The following UGP2 variants were observed in gnomAD, a reference collection of about 807,000 sequenced individuals.
The protein encoded by UGP2 is UDP-glucose pyrophosphorylase 2.
Under a neutral mutation model 49.0 loss-of-function variants are expected in UGP2, and 40 were observed. That is an observed-to-expected ratio of 0.82 (90% CI 0.63 to 1.06). UGP2 has a LOEUF of 1.06. Ranked by LOEUF, UGP2 falls within the 50% of genes least tolerant of loss-of-function variation. UGP2 has a pLI of 0.00. For synonymous variants in UGP2, 225 were observed against 213.0 expected (o/e 1.06, Z -0.49); for missense variants, 460 against 603.5 (o/e 0.76, Z 2.49).
At chr2:63,860,288 G>T (rs1001457747) in intron 3 of UGP2, among the ~76,000 whole-genome samples, 1 of 152,162 alleles carries the variant, frequency 6.6e-6, no homozygotes, top group African/African-American at 2.4e-5. Context: ...TTGTGTATGA[G>T]TTGACAATTA....
At chr2:63,861,870 T>C (rs1452779938) in intron 3 of UGP2, among the ~76,000 whole-genome samples, 1 of 152,014 alleles carries the variant, frequency 6.6e-6, no homozygotes, top group Non-Finnish European at 1.5e-5. Context: ...TTTTGTTCCA[T>C]AAAATTGCTG....
At chr2:63,843,986 C>T (rs577409191) in intron 1 of UGP2, among the ~76,000 whole-genome samples, 2 of 152,280 alleles carry the variant, frequency 1.3e-5, no homozygotes, top group Non-Finnish European at 2.9e-5. Context: ...GCCTCAAGCC[C>T]CTGGGCTCAA....
intron 3 of UGP2, among the ~76,000 whole-genome samples, chr2:63,872,938 TG>T (rs1670657779): frequency 6.6e-6 from 1 of 152,216 alleles, no homozygotes; most frequent in South Asian, 2.1e-4. Context: ...CTTCTGGTCC[TG>T]CTGCAGAGGA....
At chr2:63,881,050 A>G (rs990684451) in intron 3 of UGP2, among the ~76,000 whole-genome samples, 1 of 152,198 alleles carries the variant, frequency 6.6e-6, no homozygotes, top group Non-Finnish European at 1.5e-5. Flanking sequence ...TGGAGCAATA[A>G]CAAGTAGAGA....
At chr2:63,858,702 T>C (rs1450160198) in intron 3 of UGP2, among the ~76,000 whole-genome samples, 1 of 152,106 alleles carries the variant, frequency 6.6e-6, no homozygotes, top group East Asian at 1.9e-4. Flanking sequence ...TGAATTGTGA[T>C]TTATTTTTCT....
intron 3 of UGP2, among the ~76,000 whole-genome samples, chr2:63,864,440 C>T (rs780988664): frequency 6.6e-5 from 10 of 152,206 alleles, no homozygotes; most frequent in African/African-American, 9.6e-5. Flanking sequence ...ACAATAGCAA[C>T]AAACATTTAT....
intron 1 of UGP2, among the ~76,000 whole-genome samples, chr2:63,848,439 C>G (rs1328649927): frequency 6.6e-6 from 1 of 152,178 alleles, no homozygotes; most frequent in Non-Finnish European, 1.5e-5. Context: ...TCTTGGCTCA[C>G]CACAACCTCC....
At chr2:63,857,216 G>C (rs1269435064) in intron 2 of UGP2, among the ~76,000 whole-genome samples, 1 of 151,060 alleles carries the variant, frequency 6.6e-6, no homozygotes, top group Non-Finnish European at 1.5e-5. Flanking sequence ...TGGGAGGGTA[G>C]TTTAAGCCTG....
Position 63,856,389 on chromosome 2 carries a change from G to T in UGP2, c.103G>T (p.Glu35Ter). The T allele has an allele frequency of 6.2e-7, 1 of 1,613,398 alleles. No individual in the cohort carries two copies. Among genetic ancestry groups the T allele is most frequent in the Non-Finnish European group, 8.5e-7 (1 of 1,179,960 alleles). The change falls in exon 2 of 10, where the codon GAA becomes TAA. Residue 35 changes from glutamate (E) to a stop codon, truncating the protein, a stop_gained. Transcript: ENST00000337130. LOFTEE classifies it high-confidence loss of function. Reference protein sequence around the residue: ...RQELELSVKKELEKILTTASS... With the variant: ...RQELELSVKK ...AGAGCTAGAATTATCTGTGAAGAAGGAACTAGAAAAAATACTCACCACAGC... is the reference window on the plus strand; with the variant it reads ...AGAGCTAGAATTATCTGTGAAGAAGTAACTAGAAAAAATACTCACCACAGC...
intron 3 of UGP2, among the ~76,000 whole-genome samples, chr2:63,872,889 C>A (rs1485927372): frequency 6.6e-6 from 1 of 151,916 alleles, no homozygotes; most frequent in African/African-American, 2.4e-5. Context: ...GGTGTTGGTG[C>A]TCTGTATGCC....
intron 1 of UGP2, among the ~76,000 whole-genome samples, chr2:63,851,944 CATT>C (rs1263326814): frequency 2.0e-5 from 3 of 152,138 alleles, no homozygotes; most frequent in East Asian, 1.9e-4. Flanking sequence ...GACACATACT[CATT>C]ATGTGAGTAG....
rs528966512 is a variant in UGP2 at position 63,884,993 on chromosome 2, C to CTTTTTT, written c.576-572_576-567dup. Among the ~76,000 whole-genome samples, 41 of 23,156 alleles carry CTTTTTT rather than the reference C, an allele frequency of 1.8e-3. 4 individuals are homozygous for CTTTTTT. Among genetic ancestry groups the CTTTTTT allele is most frequent in the Middle Eastern group, 0.028 (1 of 36 alleles). The allele number at this position is 23,156 out of a possible 152,430, so 15.2% of individuals were successfully genotyped here. On this transcript the variant is annotated intron_variant, in intron 5 of 9. Transcript: ENST00000337130. ...TTTTAAGATCTATTTCCCATGGTTA[C>CTTTTTT]TTTTTTTTTTTTTTTTTTTTTTTTT... is the stretch of plus-strand genomic sequence containing the variant.
At chr2:63,867,704 G>A (rs1670273070) in intron 3 of UGP2, among the ~76,000 whole-genome samples, 1 of 152,064 alleles carries the variant, frequency 6.6e-6, no homozygotes, top group Admixed American at 6.5e-5. Flanking sequence ...TTAATTTGAT[G>A]TATGTTTCAT....
chr2:63,870,510 A>C (rs1670478101), intron 3 of UGP2, among the ~76,000 whole-genome samples: 1 of 152,234 alleles, frequency 6.6e-6, no homozygotes, highest in South Asian at 2.1e-4. Flanking sequence ...CTTGTATATA[A>C]CGTCTATTGA....
At chr2:63,864,229 T>G (rs1051649137) in intron 3 of UGP2, among the ~76,000 whole-genome samples, 3 of 152,194 alleles carry the variant, frequency 2.0e-5, no homozygotes, top group African/African-American at 7.2e-5. Flanking sequence ...GGTACTGTTA[T>G]GTCATTTTAC....
chr2:63,857,872 G>A lies in UGP2; in HGVS notation c.191G>A (p.Arg64Lys). 1 of 1,614,082 alleles carries A rather than the reference G, an allele frequency of 6.2e-7. No homozygotes were observed. Among genetic ancestry groups the A allele is most frequent in the South Asian group, 1.1e-5 (1 of 91,082 alleles). The part of the protein sequence containing the change: ...DLDGFRKLFH[R>K]FLQEKGPSVD... ...GATGGATTTCGGAAGCTATTTCATA[G>A]ATTTTTGCAAGAAAAGGGGCCTTCT... Residue 64 changes from arginine (R) to lysine (K), a missense_variant, in exon 3 of 10, where the codon AGA (arginine) becomes AAA (lysine). Physicochemically the swap from Arg to Lys is conservative, Grantham distance 26. This residue lies in a region of UGP2 where 143 missense variants were observed against 130.4 expected (regional missense o/e 1.10). Coordinates refer to ENST00000337130, the MANE Select transcript of UGP2 (RefSeq NM_006759.4).
chr2:63,850,187 A>G (rs1212980844), intron 1 of UGP2, among the ~76,000 whole-genome samples: 2 of 152,222 alleles, frequency 1.3e-5, no homozygotes, highest in Non-Finnish European at 2.9e-5. Flanking sequence ...ACTGGTTTAT[A>G]TATAAATTGT....
rs781577162 is a variant in UGP2 at position 63,890,157 on chromosome 2, T to G, written c.1391T>G (p.Val464Gly). The G allele has an allele frequency of 9.9e-6, 16 of 1,610,936 alleles. No homozygotes were observed. Among genetic ancestry groups the G allele is most frequent in the Non-Finnish European group, 1.3e-5 (15 of 1,178,928 alleles). ...ELDHLTVSGD[V>G]TFGKNVSLKG... ...GATCACCTCACAGTTTCAGGAGATG[T>G]GACATTTGGAAAAAATGTTTCATTA... is the stretch of plus-strand genomic sequence containing the variant. The change falls in exon 9 of 10, where the codon GTG (valine) becomes GGG (glycine). Residue 464 changes from valine to glycine, a missense_variant. Transcript: ENST00000337130.
intron 3 of UGP2, among the ~76,000 whole-genome samples, chr2:63,872,934 G>A (rs748787882): frequency 6.6e-6 from 1 of 152,128 alleles, no homozygotes; most frequent in Non-Finnish European, 1.5e-5. Flanking sequence ...AGCACTTCTG[G>A]TCCTGCTGCA....
Sources: allele counts gnomAD v4.1 joint callset (sites outside exome capture counted in the v4.1 genomes callset), GRCh38; gene constraint gnomAD v4.1.1; regional missense constraint gnomAD v4.1.1; transcripts MANE v1.5; gene names NCBI Gene and HGNC (gene_info 2026-07-23, HGNC 2026-07-21).